CCDC178: variants seen among roughly 807,000 people sequenced by gnomAD.
The protein encoded by CCDC178 is coiled-coil domain containing 178, also known as coiled-coil domain-containing protein 178.
Under a neutral mutation model 117.4 loss-of-function variants are expected in CCDC178, and 126 were observed. The observed-to-expected ratio is 1.07, with a 90% CI of 0.93 to 1.24. The LOEUF (loss-of-function observed/expected upper bound fraction) is 1.24, where lower values mean the gene tolerates loss of function less well. CCDC178 is among the 50% of genes most tolerant of loss of function. The probability of loss-of-function intolerance (pLI) is 0.00; values close to 1 mark genes in which losing one functional copy is unlikely to be tolerated. For missense variants in CCDC178, 1,030 were observed against 986.9 expected (o/e 1.04, Z -0.59); for synonymous variants, 283 against 313.4 (o/e 0.90, Z 1.02).
chr18:33,391,703 T>C (rs1307314280), intron 4 of CCDC178, among the ~76,000 whole-genome samples: 1 of 151,938 alleles, frequency 6.6e-6, no homozygotes, highest in African/African-American at 2.4e-5. Flanking sequence ...AAAATATGTA[T>C]GAAAAAGGAA....
intron 20 of CCDC178, among the ~76,000 whole-genome samples, chr18:33,195,063 G>A (rs1348605187): frequency 6.7e-6 from 1 of 149,898 alleles, no homozygotes; most frequent in Non-Finnish European, 1.5e-5. Flanking sequence ...GCTGCAGTGA[G>A]CTATGATAGC....
chr18:32,943,369 T>C (rs1412157816), intron 22 of CCDC178, among the ~76,000 whole-genome samples: 2 of 152,212 alleles, frequency 1.3e-5, no homozygotes, highest in East Asian at 1.9e-4. Flanking sequence ...CTCCGTGATC[T>C]TGCTCAGTTT....
In CCDC178 at chr18:33,440,663, C is replaced by G. The variant is rs1238227006; in HGVS notation, c.-153G>C. 6.6e-6 allele frequency: 1 copy of G among 152,614 alleles called. No homozygotes were observed. The highest frequency in any genetic ancestry group is 1.5e-5 in the Non-Finnish European group (1 of 68,106). The allele number at this position is 152,614 out of a possible 1,614,324, so 9.5% of individuals were successfully genotyped here. A position where few individuals can be genotyped will look rare whatever the true frequency, so the allele number is the denominator to read the frequency against. On this transcript the variant is annotated 5_prime_UTR_variant, in exon 1 of 23. Transcript: ENST00000383096. ...GCGCCCCCGACTCACCGGCTCCGCG[C>G]GTTTCCCCGCGCGTCTCCCGGACCC...
At chr18:33,115,249 C>T (rs746567697) in intron 20 of CCDC178, among the ~76,000 whole-genome samples, 13 of 152,066 alleles carry the variant, frequency 8.5e-5, no homozygotes, top group Admixed American at 2.0e-4. Flanking sequence ...ACCTTTCATA[C>T]ATGGGTATTG....
chr18:33,415,178 T>C (rs1461723760), intron 2 of CCDC178, among the ~76,000 whole-genome samples: 2 of 152,214 alleles, frequency 1.3e-5, no homozygotes. Context: ...AAATACCATT[T>C]GATCCAGCCA....
At chr18:32,964,173 T>C (rs1479323104) in intron 22 of CCDC178, among the ~76,000 whole-genome samples, 6 of 152,198 alleles carry the variant, frequency 3.9e-5, no homozygotes, top group Non-Finnish European at 8.8e-5. Context: ...ACTTATTCAT[T>C]AGCTATAGTC....
chr18:33,078,879 T>C (rs1245758527), intron 21 of CCDC178, among the ~76,000 whole-genome samples: 1 of 152,182 alleles, frequency 6.6e-6, no homozygotes, highest in Non-Finnish European at 1.5e-5. Flanking sequence ...GATTCAATGC[T>C]ATTCCTATGA....
rs572715295 is a variant in CCDC178, at chr18:33,162,969, C to T, written c.2238+48927G>A. Among the ~76,000 whole-genome samples, 113 of 152,148 alleles carry T rather than the reference C, an allele frequency of 7.4e-4. 1 individual carries two copies. Among genetic ancestry groups the T allele is most frequent in the African/African-American group, 2.6e-3 (109 of 41,510 alleles). ...AAACTCAGTAATGGGATTGGTAGGT[C>T]GAATGGTAGTTCTGTTTTTAGCTCT... On this transcript the variant is annotated intron_variant, in intron 20 of 22. Transcript: ENST00000383096.
intron 20 of CCDC178, among the ~76,000 whole-genome samples, chr18:33,196,502 T>C (rs935805205): frequency 2.0e-5 from 3 of 152,144 alleles, no homozygotes. Flanking sequence ...GTGAGCTTTC[T>C]AGCAAATTAT....
At chr18:33,222,512 G>A (rs2059248966) in intron 18 of CCDC178, among the ~76,000 whole-genome samples, 1 of 152,060 alleles carries the variant, frequency 6.6e-6, no homozygotes, top group Non-Finnish European at 1.5e-5. Flanking sequence ...CAAAGATGGT[G>A]TCTTCTTCCT....
At chr18:33,225,140 G>A (rs1450886893) in intron 16 of CCDC178, among the ~76,000 whole-genome samples, 2 of 150,526 alleles carry the variant, frequency 1.3e-5, no homozygotes, top group South Asian at 2.1e-4. Flanking sequence ...TCTCATGGAT[G>A]TAATATAATA....
intron 21 of CCDC178, among the ~76,000 whole-genome samples, chr18:33,022,595 T>A (rs1197007582): frequency 6.6e-6 from 1 of 152,014 alleles, no homozygotes; most frequent in Non-Finnish European, 1.5e-5. Flanking sequence ...TTCACTACAA[T>A]ACAATATAGA....
chr18:33,137,701 C>A (rs2058146485), intron 20 of CCDC178, among the ~76,000 whole-genome samples: 1 of 152,172 alleles, frequency 6.6e-6, no homozygotes, highest in African/African-American at 2.4e-5. Flanking sequence ...ATCTCCATAG[C>A]AAATCAGGTG....
At chr18:33,440,968 G>A (rs1179327574), upstream of CCDC178, 1 of 152,324 alleles carries the variant, frequency 6.6e-6, no homozygotes, top group Non-Finnish European at 1.5e-5. Flanking sequence ...GGAAGGAGTG[G>A]AGACGAGTCA....
rs968082263 is a variant in CCDC178, at chr18:33,245,508, A to G, written c.1410-80T>C. On this transcript the variant is annotated intron_variant, in intron 14 of 22. Coordinates refer to ENST00000383096, the MANE Select transcript of CCDC178 (RefSeq NM_001105528.4). Reference sequence around the variant, plus strand: ...TTTAATAATAGTAAAAAAGAATAAGATCATATTTTATGTTGTCAAAAATAC... The same window carrying G: ...TTTAATAATAGTAAAAAAGAATAAGGTCATATTTTATGTTGTCAAAAATAC... The G allele has an allele frequency of 3.2e-6, 4 of 1,244,198 alleles. No individual in the cohort carries two copies. The African/African-American group carries it at 6.3e-5, about 19-fold the overall frequency. 77.1% of individuals were successfully genotyped at this position (1,244,198 alleles called of 1,614,324 possible).
rs112798984 is a variant in CCDC178, at chr18:33,281,132, A to C, written c.1176+12027T>G. 7.0e-3 allele frequency among the ~76,000 whole-genome samples: 1,024 copies of C among 145,816 alleles called. 9 individuals are homozygous for C. The highest frequency in any genetic ancestry group is 8.3e-3 in the Non-Finnish European group (553 of 66,820). Reference sequence around the variant, plus strand: ...ATAATAATAAAGAAACACACACACAAAAAATAAATAAAATTAAAATGGATA... The same window carrying C: ...ATAATAATAAAGAAACACACACACACAAAATAAATAAAATTAAAATGGATA... On this transcript the variant is annotated intron_variant, in intron 12 of 22. Transcript: ENST00000383096.
At chr18:33,339,953 GAA>G (rs1387438442) in intron 9 of CCDC178, among the ~76,000 whole-genome samples, 1 of 152,034 alleles carries the variant, frequency 6.6e-6, no homozygotes, top group Non-Finnish European at 1.5e-5. Context: ...GGGGTGTGCT[GAA>G]AAGATACCCC....
intron 18 of CCDC178, among the ~76,000 whole-genome samples, chr18:33,219,603 G>C (rs1012056645): frequency 2.0e-5 from 3 of 152,028 alleles, no homozygotes; most frequent in Non-Finnish European, 2.9e-5. Context: ...GCCATAAAAA[G>C]GATGAGTTCA....
At chr18:33,321,321 A>C (rs2062505731) in intron 11 of CCDC178, among the ~76,000 whole-genome samples, 1 of 152,194 alleles carries the variant, frequency 6.6e-6, no homozygotes, top group Admixed American at 6.5e-5. Context: ...GAATGGGAGA[A>C]AATTTTTGCA....
Sources: allele counts gnomAD v4.1 joint callset (sites outside exome capture counted in the v4.1 genomes callset), GRCh38; gene constraint gnomAD v4.1.1; transcripts MANE v1.5; gene names NCBI Gene and HGNC (gene_info 2026-07-23, HGNC 2026-07-21).